Variants in EPHA4 observed in about 807,000 individuals in gnomAD.
The protein encoded by EPHA4 is ephrin type-A receptor 4.
Under a neutral mutation model 108.3 loss-of-function variants are expected in EPHA4, and 19 were observed. The ratio of observed to expected loss-of-function variants is 0.18; its 90% confidence interval spans 0.12 to 0.26. The LOEUF (loss-of-function observed/expected upper bound fraction) is 0.26. Ranked by LOEUF, EPHA4 falls within the 10% of genes least tolerant of loss-of-function variation. The pLI is 1.00. For synonymous variants in EPHA4, 449 were observed against 455.5 expected, an observed-to-expected ratio of 0.99 and a Z score of 0.18; for missense variants, 917 against 1,254.0, an observed-to-expected ratio of 0.73 and a Z score of 4.06.
intron 4 of EPHA4, among the ~76,000 whole-genome samples, chr2:221,489,101 A>G (rs951170600): frequency 5.3e-5 from 8 of 152,342 alleles, no homozygotes; most frequent in South Asian, 4.1e-4. Context: ...CAGTGTGTCT[A>G]TAAGTTTGGT....
At chr2:221,421,182 G>A (rs1232563447) in intron 17 of EPHA4, among the ~76,000 whole-genome samples, 2 of 151,976 alleles carry the variant, frequency 1.3e-5, no homozygotes, top group East Asian at 1.9e-4. Context: ...CTGTAGTCCC[G>A]GCTACTCGGG....
intron 5 of EPHA4, among the ~76,000 whole-genome samples, chr2:221,474,449 T>C (rs1268205121): frequency 1.3e-5 from 2 of 150,824 alleles, no homozygotes; most frequent in East Asian, 3.9e-4. Flanking sequence ...GTACCGCATG[T>C]TGTTTTTAAA....
intron 5 of EPHA4, among the ~76,000 whole-genome samples, chr2:221,476,730 A>T (rs978375057): frequency 1.3e-5 from 2 of 152,146 alleles, no homozygotes; most frequent in African/African-American, 4.8e-5. Flanking sequence ...GGTAGCAATT[A>T]TACCCAGTGG....
chr2:221,565,669 T>C (rs978241015), intron 2 of EPHA4, among the ~76,000 whole-genome samples: 1 of 152,182 alleles, frequency 6.6e-6, no homozygotes, highest in African/African-American at 2.4e-5. Context: ...TAAAATTCTG[T>C]ATCCTTTTCA....
At chr2:221,452,569 C>T (rs757190243) in intron 8 of EPHA4, among the ~76,000 whole-genome samples, 17 of 152,206 alleles carry the variant, frequency 1.1e-4, no homozygotes, top group Admixed American at 2.0e-4. Flanking sequence ...TACCTGGCTC[C>T]GGGCGGCCTT....
chr2:221,507,995 T>C (rs1268841794), intron 3 of EPHA4, among the ~76,000 whole-genome samples: 3 of 152,194 alleles, frequency 2.0e-5, no homozygotes, highest in Non-Finnish European at 2.9e-5. Context: ...TAGTTTATGA[T>C]GGTCTGGTGA....
chr2:221,436,739 C>T lies in EPHA4; in HGVS notation c.2137-131G>A, dbSNP rs548593964. The T allele has an allele frequency of 4.9e-4, 480 of 972,836 alleles. 3 individuals carry two copies. The highest frequency in any genetic ancestry group is 3.1e-3 in the South Asian group (200 of 64,496). The allele number at this position is 972,836 out of a possible 1,614,324, so 60.3% of individuals were successfully genotyped here. A position where few individuals can be genotyped will look rare whatever the true frequency, so the allele number is the denominator to read the frequency against. ...AATGAAACTCAACATTATTTCCAGG[C>T]CTTTCTGACCAAAGTCGCTAATTCA... On this transcript the variant is annotated intron_variant, in intron 12 of 17. Transcript: ENST00000281821.
chr2:221,540,161 C>T (rs149740602), intron 3 of EPHA4, among the ~76,000 whole-genome samples: 143 of 152,336 alleles, frequency 9.4e-4, no homozygotes, highest in African/African-American at 3.3e-3. Flanking sequence ...CTCAAGTGAT[C>T]TGCCCGCCTC....
chr2:221,424,861 A>G (rs1309010822), intron 17 of EPHA4, among the ~76,000 whole-genome samples: 1 of 152,226 alleles, frequency 6.6e-6, no homozygotes, highest in African/African-American at 2.4e-5. Context: ...TGGTGCCCAG[A>G]AGATAATAAA....
rs1387793443 is a variant in EPHA4, at chr2:221,495,399, A to T, written c.979+5618T>A. Among the ~76,000 whole-genome samples, 4 of 152,226 alleles carry T rather than the reference A, an allele frequency of 2.6e-5. No homozygotes were observed. The East Asian group carries it at 7.7e-4, about 29-fold the overall frequency. Reference sequence around the variant, plus strand: ...CTGCCTAAAGACGGTTTTACAGATCAGTAGCTTCAGCCTCACCTGGGAACT... The same window carrying T: ...CTGCCTAAAGACGGTTTTACAGATCTGTAGCTTCAGCCTCACCTGGGAACT... On this transcript the variant is annotated intron_variant, in intron 4 of 17. Transcript: ENST00000281821.
intron 3 of EPHA4, among the ~76,000 whole-genome samples, chr2:221,530,917 G>A (rs1693495906): frequency 6.6e-6 from 1 of 152,074 alleles, no homozygotes; most frequent in African/African-American, 2.4e-5. Flanking sequence ...GTACCCTGGA[G>A]GTCCTTCAAA....
Position 221,560,818 on chromosome 2 carries a change from AC to A in EPHA4, c.823+2912del, listed in dbSNP as rs1475703970. Among the ~76,000 whole-genome samples, 3 of 152,330 alleles carry A rather than the reference AC, an allele frequency of 2.0e-5. No individual in the cohort carries two copies. In the East Asian group the frequency reaches 5.8e-4, roughly 29 times the overall value. On this transcript the variant is annotated intron_variant, in intron 3 of 17. Coordinates refer to ENST00000281821, the MANE Select transcript of EPHA4 (RefSeq NM_004438.5). ...CATCTAGCTAAGTGACCAAATTCAT[AC>A]ATCTTTCCTCGTCTCTATATTATTT...
rs558976751 is a variant in EPHA4 at position 221,433,987 on chromosome 2, G to T, written c.2496+155C>A. Among the ~76,000 whole-genome samples the T allele has an allele frequency of 9.2e-5, 14 of 152,222 alleles. No individual in the cohort carries two copies. In the East Asian group the frequency reaches 2.3e-3, roughly 25 times the overall value. On this transcript the variant is annotated intron_variant, in intron 14 of 17. Transcript: ENST00000281821. The stretch of plus-strand genomic sequence containing the variant: ...CTTGTCCTTGAAATCAATAGTCATT[G>T]GTTGTAATGTTGAACTAGCTTGCTA...
chr2:221,499,752 ATATATTTTTTTT>A (rs1177372931), intron 4 of EPHA4, among the ~76,000 whole-genome samples: 4 of 41,346 alleles, frequency 9.7e-5, no homozygotes, highest in African/African-American at 5.6e-4. Flanking sequence ...ATATATATAT[ATATATTTTTTTT>A]TTTTTTTTTT....
At position 221,420,471 on chromosome 2, in the gene EPHA4, G is replaced by A. The variant is rs1689725588; in HGVS notation, c.*901C>T. 1 of 152,656 alleles carries A rather than the reference G, an allele frequency of 6.6e-6. No homozygotes were observed. The highest frequency in any genetic ancestry group is 2.4e-5 in the African/African-American group (1 of 41,456). 9.5% of individuals were successfully genotyped at this position (152,656 alleles called of 1,614,324 possible). On this transcript the variant is annotated 3_prime_UTR_variant, in exon 18 of 18. Coordinates refer to ENST00000281821, the MANE Select transcript of EPHA4 (RefSeq NM_004438.5). ...AGAAGAAACACATTTAGACGGAACT[G>A]AGGAGGGTGTGTTCTGTTTTCTTCC...
chr2:221,501,572 T>C (rs1320493253), intron 3 of EPHA4, among the ~76,000 whole-genome samples: 1 of 152,158 alleles, frequency 6.6e-6, no homozygotes. Context: ...GAGCAGTTAA[T>C]TGAGGGCACA....
At chr2:221,515,757 C>T (rs1161781203) in intron 3 of EPHA4, among the ~76,000 whole-genome samples, 4 of 152,088 alleles carry the variant, frequency 2.6e-5, no homozygotes, top group African/African-American at 7.2e-5. Flanking sequence ...GTCAAGGCCT[C>T]AGTGAGCCGT....
chr2:221,483,035 G>T (rs1025258567), intron 4 of EPHA4, among the ~76,000 whole-genome samples: 3 of 152,192 alleles, frequency 2.0e-5, no homozygotes. Flanking sequence ...CTAAAAAAAT[G>T]AAAGTGATTC....
At chr2:221,437,331 A>C (rs62178659) in intron 11 of EPHA4, 106,805 of 448,782 alleles carry the variant, frequency 0.24, 12,871 homozygotes, top group African/African-American at 0.26. Flanking sequence ...GGATAGTTAA[A>C]CCTTTGGGTG....
Sources: gnomAD v4.1 joint callset for allele counts (sites outside exome capture counted in the v4.1 genomes callset) on GRCh38, gnomAD v4.1.1 for gene constraint, MANE v1.5 for transcripts, NCBI Gene and HGNC (gene_info 2026-07-23, HGNC 2026-07-21) for gene names.